The following PGA5 variants were observed in gnomAD, a reference collection of about 807,000 sequenced individuals.
PGA5 encodes pepsinogen A5, also known as pepsin A-5.
PGA5 carries 19 observed loss-of-function variants against 15.9 expected under a neutral mutation model. The ratio of observed to expected loss-of-function variants is 1.19; its 90% CI spans 0.83 to 1.75. PGA5 has a LOEUF of 1.75. Among genes scored for constraint, PGA5 ranks in the 40% most tolerant of loss-of-function variants. The pLI, the probability that PGA5 is intolerant of heterozygous loss-of-function variation, is 0.00. For synonymous variants in PGA5, 92 were observed against 95.8 expected (o/e 0.96, Z 0.23); for missense variants, 224 against 246.4 (o/e 0.91, Z 0.61).
intron 8 of PGA5, 98 bp downstream of exon 8, chr11:61,250,112 C>T: frequency 6.7e-7 from 1 of 1,483,724 alleles, no homozygotes; most frequent in South Asian, 1.2e-5. Flanking sequence ...CGAGCTGAAG[C>T]CAGCAGGCAG....
Position 61,250,007 on chromosome 11 carries a change from T to A in PGA5, c.1010T>A (p.Ile337Asn), listed in dbSNP as rs1214800219. ...TACCCCGTGCCACCCAGTGCCTACA[T>A]CCTGCAGGTGAGGAGGCTCTGGACC... Reference protein sequence around the residue: ...VQYPVPPSAYILQSEGSCISG... With the variant: ...VQYPVPPSAYNLQSEGSCISG... Residue 337 changes from isoleucine (I) to asparagine (N), a missense_variant, in exon 8 of 9, where the codon ATC becomes AAC. Ile to Asn is a moderately radical substitution (Grantham distance 149). Transcript: ENST00000312403. The A allele has an allele frequency of 1.9e-6, 3 of 1,609,114 alleles. No individual in the cohort carries two copies. The highest frequency in any genetic ancestry group is 2.5e-6 in the Non-Finnish European group (3 of 1,178,470).
intron 5 of PGA5, 172 bp from the exon 6 acceptor site, chr11:61,248,247 A>G (rs756548197): frequency 2.0e-6 from 3 of 1,466,640 alleles, no homozygotes; most frequent in Admixed American, 3.4e-5. Context: ...AACAACAGTG[A>G]CGGTGCCCAC....
chr11:61,251,172 T>G lies in PGA5; in HGVS notation c.1058T>G (p.Val353Gly). ...ATCAGTGGCTTCCAGGGCATGAACG[T>G]CCCCACCGAATCTGGAGAGCTTTGG... Reference protein sequence around the residue: ...SCISGFQGMNVPTESGELWIL... With the variant: ...SCISGFQGMNGPTESGELWIL... Residue 353 changes from valine (V) to glycine (G), a missense_variant, in exon 9 of 9, where the codon GTC (valine) becomes GGC (glycine). Transcript: ENST00000312403. 1.2e-6 allele frequency: 2 copies of G among 1,611,764 alleles called. No homozygotes were observed. Among genetic ancestry groups the G allele is most frequent in the Non-Finnish European group, 1.7e-6 (2 of 1,179,854 alleles).
At position 61,249,667 on chromosome 11, in the gene PGA5, A is replaced by G; in HGVS notation, c.774-2A>G. 6.2e-7 allele frequency: 1 copy of G among 1,613,596 alleles called. No individual in the cohort carries two copies. The highest frequency in any genetic ancestry group is 8.5e-7 in the Non-Finnish European group (1 of 1,179,852). On this transcript the variant is annotated splice_acceptor_variant, in intron 6 of 8. Coordinates refer to ENST00000312403, the MANE Select transcript of PGA5 (RefSeq NM_014224.5). LOFTEE classifies it high-confidence loss of function. Reference sequence around the variant, plus strand: ...GGAGCTTAACTTGCTTCTTACCCTCAGCATCACCATGAACGGAGAGACCAT... The same window carrying G: ...GGAGCTTAACTTGCTTCTTACCCTCGGCATCACCATGAACGGAGAGACCAT...
Position 61,249,814 on chromosome 11 carries a change from G to C in PGA5, c.918+1G>C, listed in dbSNP as rs370310387. On this transcript the variant is annotated splice_donor_variant, in intron 7 of 8. Coordinates refer to ENST00000312403, the MANE Select transcript of PGA5 (RefSeq NM_014224.5). LOFTEE classifies it high-confidence loss of function. ...AGCCAGCGAGAACTCAGATGGCGAC[G>C]TGAGTCCAGCCCCGACTGCCCTGTT... 10 of 1,613,504 alleles carry C rather than the reference G, an allele frequency of 6.2e-6. No individual in the cohort carries two copies. The Admixed American group carries it at 1.5e-4, about 24-fold the overall frequency.
At chr11:61,247,325 C>A (rs1381975548) in intron 5 of PGA5, among the ~76,000 whole-genome samples, 1 of 150,448 alleles carries the variant, frequency 6.6e-6, no homozygotes, top group Non-Finnish European at 1.5e-5. Flanking sequence ...GTCGCCCAGG[C>A]TGGAGTGCAG....
rs147103130 is a variant in PGA5, at chr11:61,251,134, C to T, written c.1020C>T (p.Ser340=). 5.3e-5 allele frequency: 86 copies of T among 1,611,716 alleles called. 1 individual carries two copies. In the African/African-American group the frequency reaches 6.8e-4, roughly 13 times the overall value. ...PVPPSAYILQ[S]EGSCISGFQG... ...ACTTTTATTCTCCTTTTCTCCAGAG[C>T]GAGGGGAGCTGCATCAGTGGCTTCC... is the stretch of plus-strand genomic sequence containing the variant. The change falls in exon 9 of 9, where the codon AGC becomes AGT. Residue 340 remains serine (S), a splice_region_variant and synonymous_variant. Coordinates refer to ENST00000312403, the MANE Select transcript of PGA5 (RefSeq NM_014224.5).
At chr11:61,247,794 T>C (rs647587) in intron 5 of PGA5, among the ~76,000 whole-genome samples, 39 of 152,018 alleles carry the variant, frequency 2.6e-4, no homozygotes, top group South Asian at 4.1e-4. Flanking sequence ...GGGGCCATTG[T>C]ATCTCCCCAG....
In PGA5 at chr11:61,251,270, C is replaced by T. The variant is rs774778577; in HGVS notation, c.1156C>T (p.Pro386Ser). The T allele has an allele frequency of 3.1e-6, 5 of 1,611,724 alleles. No individual in the cohort carries two copies. Among genetic ancestry groups the T allele is most frequent in the Non-Finnish European group, 1.7e-6 (2 of 1,179,876 alleles). Residue 386 changes from proline to serine, a missense_variant, in exon 9 of 9, where the codon CCT becomes TCT. Coordinates refer to ENST00000312403, the MANE Select transcript of PGA5 (RefSeq NM_014224.5). ...GGCAAACAACCAGGTCGGCCTGGCC[C>T]CTGTGGCTTAAGCCTAAGTCTCTTC... ...DRANNQVGLA[P>S]VA
In PGA5 at chr11:61,249,676, A is replaced by G. The variant is rs1854111610; in HGVS notation, c.781A>G (p.Met261Val). The G allele has an allele frequency of 6.2e-7, 1 of 1,613,520 alleles. No homozygotes were observed. Among genetic ancestry groups the G allele is most frequent in the Non-Finnish European group, 8.5e-7 (1 of 1,179,838 alleles). Residue 261 changes from methionine to valine, a missense_variant, in exon 7 of 9, where the codon ATG becomes GTG. By Grantham distance (21) the Met-to-Val change is conservative. Transcript: ENST00000312403. ...CTTGCTTCTTACCCTCAGCATCACCATGAACGGAGAGACCATCGCCTGTGC... is the reference window on the plus strand; with the variant it reads ...CTTGCTTCTTACCCTCAGCATCACCGTGAACGGAGAGACCATCGCCTGTGC... ...YWQITVDSIT[M>V]NGETIACAEG...
intron 5 of PGA5, among the ~76,000 whole-genome samples, chr11:61,246,945 G>A (rs759959144): frequency 2.6e-5 from 4 of 151,880 alleles, no homozygotes; most frequent in Non-Finnish European, 5.9e-5. Flanking sequence ...ATTTGTGACC[G>A]GGGGCTAATT....
chr11:61,248,126 C>A (rs1854090670), intron 5 of PGA5: 1 of 697,722 alleles, frequency 1.4e-6, no homozygotes, highest in Non-Finnish European at 2.5e-6. Context: ...ACCACACATT[C>A]AAACTATAAG....
rs370310387 is a variant in PGA5 at position 61,249,814 on chromosome 11, G to A, written c.918+1G>A. On this transcript the variant is annotated splice_donor_variant, in intron 7 of 8. Coordinates refer to ENST00000312403, the MANE Select transcript of PGA5 (RefSeq NM_014224.5). LOFTEE classifies it high-confidence loss of function. Reference sequence around the variant, plus strand: ...AGCCAGCGAGAACTCAGATGGCGACGTGAGTCCAGCCCCGACTGCCCTGTT... The same window carrying A: ...AGCCAGCGAGAACTCAGATGGCGACATGAGTCCAGCCCCGACTGCCCTGTT... 25 of 1,613,504 alleles carry A rather than the reference G, an allele frequency of 1.5e-5. No homozygotes were observed. Among genetic ancestry groups the A allele is most frequent in the Admixed American group, 3.3e-5 (2 of 59,974 alleles).
Position 61,249,756 on chromosome 11 carries a change from C to T in PGA5, c.861C>T (p.Thr287=), listed in dbSNP as rs780446110. The T allele has an allele frequency of 6.2e-7, 1 of 1,613,676 alleles. No individual in the cohort carries two copies. The highest frequency in any genetic ancestry group is 8.5e-7 in the Non-Finnish European group (1 of 1,179,878). The change falls in exon 7 of 9, where the codon ACC becomes ACT. Residue 287 remains threonine, a synonymous_variant. Coordinates refer to ENST00000312403, the MANE Select transcript of PGA5 (RefSeq NM_014224.5). ...GCACCTCTCTGCTGACCGGCCCAAC[C>T]AGCCCCATTGCCAACATCCAGAGCG... ...DTGTSLLTGP[T]SPIANIQSDI...
chr11:61,247,830 C>T (rs1170784459), intron 5 of PGA5, among the ~76,000 whole-genome samples: 1 of 151,966 alleles, frequency 6.6e-6, no homozygotes, highest in Non-Finnish European at 1.5e-5. Context: ...TCAATCTGGG[C>T]ACTGTTAACA....
At chr11:61,246,920 TA>T (rs1451072356) in intron 5 of PGA5, among the ~76,000 whole-genome samples, 1 of 152,064 alleles carries the variant, frequency 6.6e-6, no homozygotes, top group Non-Finnish European at 1.5e-5. Flanking sequence ...TATGATTTAA[TA>T]AAATCTAGGT....
In PGA5 at chr11:61,249,986, C is replaced by A; in HGVS notation, c.989C>A (p.Pro330His). ...IVFTINGVQY[P>H]VPPSAYILQS... is the part of the protein sequence containing the mutation. ...TTCACCATCAATGGAGTCCAGTACC[C>A]CGTGCCACCCAGTGCCTACATCCTG... Residue 330 changes from proline (P) to histidine (H), a missense_variant, in exon 8 of 9, where the codon CCC (proline) becomes CAC (histidine). Coordinates refer to ENST00000312403, the MANE Select transcript of PGA5 (RefSeq NM_014224.5). 1.2e-6 allele frequency: 2 copies of A among 1,611,522 alleles called. No individual in the cohort carries two copies. The highest frequency in any genetic ancestry group is 2.2e-5 in the South Asian group (2 of 90,800).
chr11:61,247,756 C>G (rs1482252495), intron 5 of PGA5, among the ~76,000 whole-genome samples: 1 of 152,050 alleles, frequency 6.6e-6, no homozygotes, highest in Non-Finnish European at 1.5e-5. Flanking sequence ...ACATCATCTG[C>G]CTTTATGAGC....
chr11:61,247,378 A>C (rs1320821923), intron 5 of PGA5, among the ~76,000 whole-genome samples: 4 of 150,606 alleles, frequency 2.7e-5, no homozygotes, highest in African/African-American at 9.9e-5. Flanking sequence ...TCCTGGGTTC[A>C]TGCCATTGTC....
Sources: allele counts gnomAD v4.1 joint callset (sites outside exome capture counted in the v4.1 genomes callset), GRCh38; gene constraint gnomAD v4.1.1; transcripts MANE v1.5; gene names NCBI Gene and HGNC (gene_info 2026-07-23, HGNC 2026-07-21).